EXT1: variants seen among roughly 807,000 people sequenced by gnomAD.
The protein encoded by EXT1 is exostosin-1.
Under a neutral mutation model 82.5 loss-of-function variants are expected in EXT1, and 20 were observed. The observed-to-expected ratio is 0.24, with a 90% CI of 0.17 to 0.35. The LOEUF (loss-of-function observed/expected upper bound fraction) is 0.35, where lower values mean the gene tolerates loss of function less well. Among genes scored for constraint, EXT1 ranks in the 10% least tolerant of loss-of-function variants. The probability of loss-of-function intolerance (pLI) is 1.00; values close to 1 mark genes in which losing one functional copy is unlikely to be tolerated. For missense variants in EXT1, 757 were observed against 936.5 expected, an observed-to-expected ratio of 0.81 and a Z score of 2.50; for synonymous variants, 348 against 350.8, an observed-to-expected ratio of 0.99 and a Z score of 0.09.
chr8:117,998,714 A>C (rs1362213400), intron 1 of EXT1, among the ~76,000 whole-genome samples: 1 of 152,180 alleles, frequency 6.6e-6, no homozygotes, highest in African/African-American at 2.4e-5. Context: ...AATATAGAAG[A>C]GCTGAATACA....
intron 8 of EXT1, 60 bp downstream of exon 8, chr8:117,812,812 T>C: frequency 7.0e-7 from 1 of 1,428,234 alleles, no homozygotes; most frequent in Non-Finnish European, 9.9e-7. Context: ...ATTAGCATCG[T>C]GCAACATGAG....
At chr8:118,103,287 C>T (rs1817755211) in intron 1 of EXT1, among the ~76,000 whole-genome samples, 1 of 152,184 alleles carries the variant, frequency 6.6e-6, no homozygotes, top group Non-Finnish European at 1.5e-5. Flanking sequence ...GCTGGGACTA[C>T]AGGTGTGCAC....
chr8:118,035,550 G>T (rs767054766), intron 1 of EXT1, among the ~76,000 whole-genome samples: 2 of 151,612 alleles, frequency 1.3e-5, no homozygotes, highest in Non-Finnish European at 2.9e-5. Context: ...ACTTTTCCCC[G>T]GAAGTCAGAT....
intron 1 of EXT1, among the ~76,000 whole-genome samples, chr8:118,080,178 C>T (rs1468766491): frequency 3.3e-5 from 5 of 152,168 alleles, no homozygotes; most frequent in Admixed American, 6.5e-5. Flanking sequence ...GTATGGAGGA[C>T]GCCTCCACAA....
chr8:117,812,726 G>C (rs192426061), intron 8 of EXT1, 146 bp downstream of exon 8: 15 of 752,932 alleles, frequency 2.0e-5, no homozygotes, highest in Admixed American at 6.1e-5. Context: ...AACAGGAATC[G>C]GGCTGATTAA....
At chr8:117,883,832 C>T (rs896976358) in intron 1 of EXT1, among the ~76,000 whole-genome samples, 7 of 152,210 alleles carry the variant, frequency 4.6e-5, no homozygotes, top group African/African-American at 1.7e-4. Flanking sequence ...AGCAGGTAAA[C>T]TGCAGTCCGA....
intron 10 of EXT1, among the ~76,000 whole-genome samples, chr8:117,800,697 A>G (rs1823153625): frequency 6.6e-6 from 1 of 152,216 alleles, no homozygotes; most frequent in Non-Finnish European, 1.5e-5. Context: ...TTAAAGGGCA[A>G]TCAGCCCTCC....
At chr8:117,859,266 C>G (rs1812639332) in intron 1 of EXT1, among the ~76,000 whole-genome samples, 1 of 152,270 alleles carries the variant, frequency 6.6e-6, no homozygotes, top group East Asian at 1.9e-4. Flanking sequence ...TGTTCAAAAA[C>G]AGAGGCACAA....
At chr8:118,072,195 T>A (rs897939953) in intron 1 of EXT1, among the ~76,000 whole-genome samples, 9 of 152,192 alleles carry the variant, frequency 5.9e-5, no homozygotes, top group African/African-American at 2.2e-4. Context: ...TTGATACCTG[T>A]AAAGCTCTTA....
chr8:117,871,191 C>G (rs1044212884), intron 1 of EXT1, among the ~76,000 whole-genome samples: 4 of 152,142 alleles, frequency 2.6e-5, no homozygotes, highest in African/African-American at 9.7e-5. Context: ...CTGATATAAT[C>G]AAGGAAAAAA....
At chr8:117,983,650 T>G (rs114923210) in intron 1 of EXT1, among the ~76,000 whole-genome samples, 1,849 of 152,262 alleles carry the variant, frequency 0.012, 35 homozygotes, top group African/African-American at 0.04. Context: ...AAAGAAGATC[T>G]TACATTATCA....
chr8:117,838,960 C>T (rs1392946415), intron 1 of EXT1, among the ~76,000 whole-genome samples: 3 of 152,088 alleles, frequency 2.0e-5, no homozygotes, highest in East Asian at 3.9e-4. Context: ...ATGTAAAATC[C>T]TATTAATGTT....
At chr8:117,829,669 G>T (rs1812066007) in intron 4 of EXT1, among the ~76,000 whole-genome samples, 1 of 144,736 alleles carries the variant, frequency 6.9e-6, no homozygotes. Context: ...CACCTCCCAG[G>T]TTCAAGATAT....
intron 4 of EXT1, among the ~76,000 whole-genome samples, chr8:117,826,444 T>C (rs971037340): frequency 6.6e-6 from 1 of 152,220 alleles, no homozygotes; most frequent in Non-Finnish European, 1.5e-5. Flanking sequence ...CTATGAATTA[T>C]TCTCGTGCCT....
At chr8:117,990,047 C>T (rs971883847) in intron 1 of EXT1, among the ~76,000 whole-genome samples, 2 of 152,100 alleles carry the variant, frequency 1.3e-5, no homozygotes, top group Admixed American at 6.6e-5. Flanking sequence ...GTGGTATGAG[C>T]CTGTAATCCC....
chr8:118,049,069 C>T (rs1816676785), intron 1 of EXT1, among the ~76,000 whole-genome samples: 1 of 152,078 alleles, frequency 6.6e-6, no homozygotes, highest in Admixed American at 6.5e-5. Context: ...CCATTTACAG[C>T]CAACTATTTC....
intron 1 of EXT1, among the ~76,000 whole-genome samples, chr8:117,912,304 G>A (rs1813663572): frequency 6.6e-6 from 1 of 152,194 alleles, no homozygotes. Context: ...TTCAAGCCCT[G>A]AGATTTACCC....
intron 1 of EXT1, among the ~76,000 whole-genome samples, chr8:118,073,703 A>C (rs575038297): frequency 4.9e-5 from 5 of 101,134 alleles, no homozygotes; most frequent in South Asian, 3.0e-4. Flanking sequence ...AGAAGAGAAG[A>C]GAAGCCTCTT....
At chr8:117,882,650 C>G (rs1454518134) in intron 1 of EXT1, among the ~76,000 whole-genome samples, 2 of 152,104 alleles carry the variant, frequency 1.3e-5, no homozygotes. Context: ...TCCTTGGTGC[C>G]TATCACTTTT....
Sources: gnomAD v4.1 joint callset for allele counts (sites outside exome capture counted in the v4.1 genomes callset) on GRCh38, gnomAD v4.1.1 for gene constraint, MANE v1.5 for transcripts, NCBI Gene and HGNC (gene_info 2026-07-23, HGNC 2026-07-21) for gene names.